The following SDK1 variants were observed in gnomAD, a reference collection of about 807,000 sequenced individuals.
SDK1 encodes protein sidekick-1.
A neutral mutation model predicts 245.5 loss-of-function variants in SDK1; 157 were observed. That is an observed-to-expected ratio of 0.64 (90% confidence interval 0.56 to 0.73). The LOEUF is 0.73. Ranked by LOEUF, SDK1 falls within the 30% of genes least tolerant of loss-of-function variation. The pLI, the probability that SDK1 is intolerant of heterozygous loss-of-function variation, is 0.00. For synonymous variants in SDK1, 1,647 were observed against 1,278.5 expected (o/e 1.29, Z -6.15); for missense variants, 3,583 against 3,002.3 (o/e 1.19, Z -4.52).
At chr7:3,602,346 C>T (rs1276573508) in intron 1 of SDK1, among the ~76,000 whole-genome samples, 3 of 151,052 alleles carry the variant, frequency 2.0e-5, no homozygotes, top group Admixed American at 1.3e-4. Context: ...CCTGTTGTTT[C>T]CTGACTTTTT....
Position 4,051,143 on chromosome 7 carries a change from G to A in SDK1, c.2719-495G>A, listed in dbSNP as rs1213237610. ...TATATACATATTATATATAATATAT[G>A]TATAATATATACATATAGTATATAT... is the stretch of plus-strand genomic sequence containing the variant. On this transcript the variant is annotated intron_variant, in intron 18 of 44. Transcript: ENST00000404826. Among the ~76,000 whole-genome samples the A allele has an allele frequency of 3.8e-4, 52 of 135,508 alleles. 1 individual carries two copies. The South Asian group carries it at 0.011, about 29-fold the overall frequency. The allele number at this position is 135,508 out of a possible 152,430, so 88.9% of individuals were successfully genotyped here.
chr7:3,688,875 C>T (rs1449200537), intron 4 of SDK1, among the ~76,000 whole-genome samples: 2 of 152,120 alleles, frequency 1.3e-5, no homozygotes, highest in Non-Finnish European at 2.9e-5. Context: ...TTAGAGTTTG[C>T]CATTTTGTTC....
At chr7:3,627,708 C>G (rs1027942763) in intron 2 of SDK1, among the ~76,000 whole-genome samples, 5 of 152,216 alleles carry the variant, frequency 3.3e-5, no homozygotes, top group Non-Finnish European at 5.9e-5. Flanking sequence ...TCCTTGCCAA[C>G]ATGACCGATT....
intron 1 of SDK1, among the ~76,000 whole-genome samples, chr7:3,454,816 G>C (rs1041233447): frequency 6.6e-6 from 1 of 152,158 alleles, no homozygotes; most frequent in African/African-American, 2.4e-5. Flanking sequence ...TTTTTGTGCA[G>C]ACATCACTTT....
intron 17 of SDK1, among the ~76,000 whole-genome samples, chr7:4,045,073 A>T (rs1788922493): frequency 6.6e-6 from 1 of 152,074 alleles, no homozygotes; most frequent in Non-Finnish European, 1.5e-5. Context: ...TGCATTTGAG[A>T]TTCACCTGTG....
chr7:4,266,644 T>C lies in SDK1; in HGVS notation c.*1260T>C, dbSNP rs145232227. 2.2e-5 allele frequency: 22 copies of C among 985,480 alleles called. No individual in the cohort carries two copies. In the East Asian group the frequency reaches 1.9e-3, roughly 86 times the overall value. The allele number at this position is 985,480 out of a possible 1,614,324, so 61.0% of individuals were successfully genotyped here. A position where few individuals can be genotyped will look rare whatever the true frequency, so the allele number is the denominator to read the frequency against. ...TAGATGAAAAGAGTATGAACTACTT[T>C]GGAAAACTTAACAGCTCAGAGATGG... On this transcript the variant is annotated 3_prime_UTR_variant, in exon 45 of 45. Coordinates refer to ENST00000404826, the MANE Select transcript of SDK1 (RefSeq NM_152744.4).
At chr7:3,819,625 A>G (rs1315916532) in intron 4 of SDK1, among the ~76,000 whole-genome samples, 2 of 152,116 alleles carry the variant, frequency 1.3e-5, no homozygotes, top group African/African-American at 4.8e-5. Context: ...AAAAGAATCT[A>G]TAAAGGAGTC....
chr7:3,572,050 ACAGT>A (rs1474204569), intron 1 of SDK1, among the ~76,000 whole-genome samples: 1 of 152,092 alleles, frequency 6.6e-6, no homozygotes, highest in Non-Finnish European at 1.5e-5. Flanking sequence ...TCAATGCCAA[ACAGT>A]CAGTGAAAGG....
chr7:4,036,502 A>G (rs1465969373), intron 17 of SDK1, among the ~76,000 whole-genome samples: 2 of 152,232 alleles, frequency 1.3e-5, no homozygotes, highest in Non-Finnish European at 1.5e-5. Flanking sequence ...AACTGATTAC[A>G]TCTCACAGTT....
At chr7:3,537,396 C>G (rs1778919044) in intron 1 of SDK1, among the ~76,000 whole-genome samples, 1 of 152,154 alleles carries the variant, frequency 6.6e-6, no homozygotes, top group Admixed American at 6.5e-5. Flanking sequence ...TGCCCCTGAG[C>G]TCTTTCCCCT....
intron 1 of SDK1, among the ~76,000 whole-genome samples, chr7:3,558,283 A>G (rs909212572): frequency 6.6e-6 from 1 of 152,222 alleles, no homozygotes; most frequent in Non-Finnish European, 1.5e-5. Context: ...AGAGAGCTCT[A>G]GTATCCTCAG....
intron 1 of SDK1, among the ~76,000 whole-genome samples, chr7:3,518,964 TAA>T (rs58952334): frequency 2.9e-4 from 42 of 144,884 alleles, no homozygotes; most frequent in South Asian, 2.6e-3. Context: ...TATTCAGCCA[TAA>T]AAAAAAAAAG....
chr7:3,806,788 C>T (rs532343392), intron 4 of SDK1, among the ~76,000 whole-genome samples: 1 of 130,744 alleles, frequency 7.6e-6, no homozygotes, highest in South Asian at 2.3e-4. Flanking sequence ...CATTAACTGG[C>T]AGGTGGTGGA....
At chr7:3,450,033 G>A (rs1780464425) in intron 1 of SDK1, among the ~76,000 whole-genome samples, 2 of 152,220 alleles carry the variant, frequency 1.3e-5, no homozygotes, top group South Asian at 4.1e-4. Flanking sequence ...GAGGAAGAAA[G>A]GAATTAACCA....
At chr7:4,155,138 C>T (rs1357883349) in intron 30 of SDK1, among the ~76,000 whole-genome samples, 1 of 151,948 alleles carries the variant, frequency 6.6e-6, no homozygotes, top group Non-Finnish European at 1.5e-5. Flanking sequence ...CTCATTTGGG[C>T]AGTGGGGCTG....
chr7:3,600,987 T>C (rs1478783125), intron 1 of SDK1, among the ~76,000 whole-genome samples: 1 of 152,014 alleles, frequency 6.6e-6, no homozygotes, highest in African/African-American at 2.4e-5. Context: ...GCTCACCTAA[T>C]TTTTTTCCTT....
chr7:3,489,676 T>A (rs1397042025), intron 1 of SDK1, among the ~76,000 whole-genome samples: 3 of 152,332 alleles, frequency 2.0e-5, no homozygotes, highest in African/African-American at 4.8e-5. Context: ...TATTTGTAAT[T>A]CAGGGAAAGT....
intron 10 of SDK1, among the ~76,000 whole-genome samples, chr7:3,968,820 T>C (rs1339431548): frequency 3.3e-5 from 5 of 152,214 alleles, no homozygotes; most frequent in African/African-American, 1.2e-4. Flanking sequence ...TTCTTTGTTG[T>C]ATTAGTCCAC....
intron 1 of SDK1, among the ~76,000 whole-genome samples, chr7:3,448,274 G>A (rs984352439): frequency 2.6e-5 from 4 of 151,908 alleles, no homozygotes; most frequent in Admixed American, 1.3e-4. Context: ...GAAGTTGAAC[G>A]GCTTATGTTT....
Sources: gnomAD v4.1 joint callset for allele counts (sites outside exome capture counted in the v4.1 genomes callset) on GRCh38, gnomAD v4.1.1 for gene constraint, MANE v1.5 for transcripts, NCBI Gene and HGNC (gene_info 2026-07-23, HGNC 2026-07-21) for gene names.